Variants in BRWD1 observed in about 807,000 individuals in gnomAD.
BRWD1 encodes the protein bromodomain and WD repeat-containing protein 1.
BRWD1 carries 82 observed loss-of-function variants against 251.2 expected under a neutral mutation model. The ratio of observed to expected loss-of-function variants is 0.33; its 90% CI spans 0.27 to 0.39. The LOEUF (loss-of-function observed/expected upper bound fraction) is 0.39. Ranked by LOEUF, BRWD1 falls within the 10% of genes least tolerant of loss-of-function variation. The pLI is 1.00. For missense variants in BRWD1, 2,233 were observed against 2,711.6 expected (o/e 0.82, Z 3.92); for synonymous variants, 918 against 902.8 (o/e 1.02, Z -0.30).
chr21:39,230,469 A>T (rs77875370), intron 25 of BRWD1, among the ~76,000 whole-genome samples: 15,935 of 152,244 alleles, frequency 0.1, 996 homozygotes, highest in East Asian at 0.14. Context: ...TGCTATAGAG[A>T]ATATATAGGG....
chr21:39,198,941 A>G lies in BRWD1; in HGVS notation c.5475T>C (p.Ser1825=), dbSNP rs1233524885. The change falls in exon 40 of 41, where the codon TCT becomes TCC. Residue 1825 remains serine (S), a synonymous_variant. Transcript: ENST00000342449. ...KTKILSDSED[S]ESEEQDREDG... is the part of the protein sequence containing the mutation. ...CTTCTCTATCTTGCTCTTCAGATTC[A>G]GAGTCTTCTGAGTCACTCAGAATCT... 7 of 1,614,088 alleles carry G rather than the reference A, an allele frequency of 4.3e-6. No homozygotes were observed. Among genetic ancestry groups the G allele is most frequent in the Non-Finnish European group, 5.1e-6 (6 of 1,179,980 alleles).
At chr21:39,308,630 G>A (rs2036366231) in intron 4 of BRWD1, among the ~76,000 whole-genome samples, 1 of 152,000 alleles carries the variant, frequency 6.6e-6, no homozygotes, top group South Asian at 2.1e-4. Context: ...TTAAAATACT[G>A]ATGTCCAGTC....
At chr21:39,246,581 A>G (rs1025154560) in intron 21 of BRWD1, among the ~76,000 whole-genome samples, 4 of 152,252 alleles carry the variant, frequency 2.6e-5, no homozygotes, top group Admixed American at 2.0e-4. Flanking sequence ...AGCACTATTC[A>G]TAACAGCCAA....
At chr21:39,203,714 C>T (rs2032239079) in intron 37 of BRWD1, among the ~76,000 whole-genome samples, 2 of 151,006 alleles carry the variant, frequency 1.3e-5, no homozygotes, top group African/African-American at 4.9e-5. Flanking sequence ...GCCGACCCTG[C>T]TTCTTAAAAC....
At position 39,213,470 on chromosome 21, in the gene BRWD1, A is replaced by T; in HGVS notation, c.3858+11T>A. Reference sequence around the variant, plus strand: ...TAACAAAAACCATTATAAAATCAACAAACTTCATACCAAATCCTCAGCATT... The same window carrying T: ...TAACAAAAACCATTATAAAATCAACTAACTTCATACCAAATCCTCAGCATT... On this transcript the variant is annotated intron_variant, in intron 33 of 40. Coordinates refer to ENST00000342449, the MANE Select transcript of BRWD1 (RefSeq NM_033656.4). 3 of 1,604,562 alleles carry T rather than the reference A, an allele frequency of 1.9e-6. No individual in the cohort carries two copies. The highest frequency in any genetic ancestry group is 2.6e-6 in the Non-Finnish European group (3 of 1,175,336).
At chr21:39,253,721 G>GT (rs1272592079) in intron 19 of BRWD1, among the ~76,000 whole-genome samples, 1 of 152,152 alleles carries the variant, frequency 6.6e-6, no homozygotes, top group East Asian at 1.9e-4. Context: ...AAACTCTTCT[G>GT]GTTAAACATA....
intron 13 of BRWD1, among the ~76,000 whole-genome samples, chr21:39,271,151 G>C (rs2035086342): frequency 6.6e-6 from 1 of 151,794 alleles, no homozygotes; most frequent in African/African-American, 2.4e-5. Flanking sequence ...CATTAGCCAG[G>C]TGTGGTGGCA....
In BRWD1 at chr21:39,269,956, G is replaced by A. The variant is rs2035047151; in HGVS notation, c.1473C>T (p.Gly491=). 1 of 1,578,574 alleles carries A rather than the reference G, an allele frequency of 6.3e-7. No homozygotes were observed. Among genetic ancestry groups the A allele is most frequent in the South Asian group, 1.2e-5 (1 of 85,058 alleles). Reference sequence around the variant, plus strand: ...TTGTAATATCCCATATAAATATGCTGCCATCATGTCCTGCAGATAACATAA... The same window carrying A: ...TTGTAATATCCCATATAAATATGCTACCATCATGTCCTGCAGATAACATAA... ...SRIMLSAGHD[G]SIFIWDITKG... Residue 491 remains glycine, a synonymous_variant, in exon 15 of 41, where the codon GGC becomes GGT. Transcript: ENST00000342449.
upstream of BRWD1, among the ~76,000 whole-genome samples, chr21:39,318,118 T>A (rs189738683): frequency 6.6e-6 from 1 of 152,136 alleles, no homozygotes; most frequent in Non-Finnish European, 1.5e-5. Flanking sequence ...CTTTTTTTTT[T>A]AATCTGTCTG....
chr21:39,277,348 C>A lies in BRWD1; in HGVS notation c.1007G>T (p.Gly336Val), dbSNP rs779502471. ...AGTACTACCTGTGGCTAAAAACATA[C>A]CACCTGAAATAAAAATGGTAAGGTT... ...QMLCSSFSVGGMFLATGSTDH... is the reference protein window; with the variant it reads ...QMLCSSFSVGVMFLATGSTDH... Residue 336 changes from glycine to valine, a missense_variant, in exon 11 of 41, where the codon GGT becomes GTT. Gly to Val is a moderately radical substitution (Grantham distance 109). Coordinates refer to ENST00000342449, the MANE Select transcript of BRWD1 (RefSeq NM_033656.4). 1 of 1,572,264 alleles carries A rather than the reference C, an allele frequency of 6.4e-7. No individual in the cohort carries two copies. The highest frequency in any genetic ancestry group is 8.6e-7 in the Non-Finnish European group (1 of 1,156,586).
intron 25 of BRWD1, among the ~76,000 whole-genome samples, chr21:39,230,578 A>G (rs969813417): frequency 3.3e-5 from 5 of 152,274 alleles, no homozygotes; most frequent in African/African-American, 9.6e-5. Context: ...CTTATTTAAT[A>G]TGTTGTTGAT....
chr21:39,236,344 A>G (rs2033810712), intron 23 of BRWD1, among the ~76,000 whole-genome samples: 1 of 152,074 alleles, frequency 6.6e-6, no homozygotes, highest in Non-Finnish European at 1.5e-5. Flanking sequence ...AGGGGTTGAA[A>G]GTAGGAGACA....
chr21:39,253,844 T>C (rs1164984122), intron 19 of BRWD1, among the ~76,000 whole-genome samples: 1 of 152,248 alleles, frequency 6.6e-6, no homozygotes, highest in Non-Finnish European at 1.5e-5. Context: ...AAGTATTTCC[T>C]GTTTCCATTT....
At chr21:39,236,239 C>T (rs1366343061) in intron 23 of BRWD1, among the ~76,000 whole-genome samples, 2 of 152,170 alleles carry the variant, frequency 1.3e-5, no homozygotes, top group African/African-American at 2.4e-5. Context: ...AAGGCCTCCC[C>T]CATAAGTCCC....
At chr21:39,312,093 T>C (rs1320976940) in intron 4 of BRWD1, among the ~76,000 whole-genome samples, 3 of 152,232 alleles carry the variant, frequency 2.0e-5, no homozygotes, top group Non-Finnish European at 4.4e-5. Context: ...AACGAATCCC[T>C]GCAACTGCTG....
At chr21:39,314,417 TG>T (rs761036705), upstream of BRWD1, 4 of 441,074 alleles carry the variant, frequency 9.1e-6, no homozygotes, top group South Asian at 4.8e-5. Context: ...CATCCAAGCA[TG>T]GACAGGAAAA....
intron 19 of BRWD1, among the ~76,000 whole-genome samples, chr21:39,252,718 A>G (rs2034435634): frequency 6.6e-6 from 1 of 152,192 alleles, no homozygotes; most frequent in Admixed American, 6.5e-5. Flanking sequence ...TAGAAACACA[A>G]TACCAATTTT....
chr21:39,302,083 A>T (rs1047667607), intron 4 of BRWD1, among the ~76,000 whole-genome samples: 1 of 142,030 alleles, frequency 7.0e-6, no homozygotes, highest in Non-Finnish European at 1.5e-5. Flanking sequence ...TCCCAGGTTG[A>T]AGTGATTCTC....
intron 7 of BRWD1, 43 bp downstream of exon 7, chr21:39,295,695 CTAAAG>C: frequency 2.8e-6 from 4 of 1,408,412 alleles, no homozygotes; most frequent in Non-Finnish European, 3.8e-6. Flanking sequence ...CTGAAGCACA[CTAAAG>C]TACTCTAGAT....
Sources: gnomAD v4.1 joint callset for allele counts (sites outside exome capture counted in the v4.1 genomes callset) on GRCh38, gnomAD v4.1.1 for gene constraint, MANE v1.5 for transcripts, NCBI Gene and HGNC (gene_info 2026-07-23, HGNC 2026-07-21) for gene names.